The following TRPM2 variants were observed in gnomAD, a reference collection of about 807,000 sequenced individuals.
TRPM2 encodes the protein estrogen-responsive element-associated gene 1 protein.
In TRPM2, 161 loss-of-function variants were observed where a neutral mutation model predicts 174.0. That is an observed-to-expected ratio of 0.93 (90% CI 0.81 to 1.05). TRPM2 has a LOEUF of 1.05. Among genes scored for constraint, TRPM2 ranks in the 50% least tolerant of loss-of-function variants. The pLI, the probability that TRPM2 is intolerant of heterozygous loss-of-function variation, is 0.00. For synonymous variants in TRPM2, 954 were observed against 861.3 expected, an observed-to-expected ratio of 1.11 and a Z score of -1.88; for missense variants, 2,057 against 2,038.0, an observed-to-expected ratio of 1.01 and a Z score of -0.18.
At chr21:44,407,047 CT>C (rs2049915925) in intron 19 of TRPM2, among the ~76,000 whole-genome samples, 1 of 149,374 alleles carries the variant, frequency 6.7e-6, no homozygotes, top group Admixed American at 6.7e-5. Flanking sequence ...TGACAGCCCC[CT>C]GAAATGGAAT....
In TRPM2 at chr21:44,400,334, G is replaced by A; in HGVS notation, c.2284G>A (p.Ala762Thr). Residue 762 changes from alanine to threonine, a missense_variant, in exon 15 of 32, where the codon GCC becomes ACC. Transcript: ENST00000397928. ...GTGGCGTGTGACCCTGTGCATGCTG[G>A]CCTTCCCGCTGCTCCTCACCGGCCT... ...GLWRVTLCMLAFPLLLTGLIS... is the reference protein window; with the variant it reads ...GLWRVTLCMLTFPLLLTGLIS... 6.2e-7 allele frequency: 1 copy of A among 1,612,624 alleles called. No homozygotes were observed. The highest frequency in any genetic ancestry group is 1.3e-5 in the African/African-American group (1 of 75,054).
In TRPM2 at chr21:44,354,665, G is replaced by A. The variant is rs769258683; in HGVS notation, c.183G>A (p.Ser61=). The A allele has an allele frequency of 1.1e-5, 17 of 1,614,040 alleles. No homozygotes were observed. The highest frequency in any genetic ancestry group is 5.5e-5 in the South Asian group (5 of 91,096). ...ACCTTCAGCAAGAAAGCCTCAGTTC[G>A]TGGATTCCTGAAAACATCAAGAAGA... ...GNNDKQESLS[S]WIPENIKKKE... The change falls in exon 2 of 32, where the codon TCG becomes TCA. Residue 61 remains serine, a synonymous_variant. Transcript: ENST00000397928. This position sits in a 1 kb window ranked among gnomAD's most constrained non-coding sequence, Gnocchi z 4.3.
intron 8 of TRPM2, among the ~76,000 whole-genome samples, chr21:44,381,837 G>A (rs532546015): frequency 1.1e-3 from 160 of 152,030 alleles, no homozygotes; most frequent in Non-Finnish European, 1.6e-3. Flanking sequence ...AAGCCAGGAG[G>A]TGGAGGTTGC....
rs886638581 is a variant in TRPM2, at chr21:44,432,931, C to T, written c.3975-2200C>T. Among the ~76,000 whole-genome samples the T allele has an allele frequency of 5.3e-5, 8 of 152,182 alleles. No homozygotes were observed. Among genetic ancestry groups the T allele is most frequent in the African/African-American group, 7.2e-5 (3 of 41,512 alleles). ...TGCCTTGATGTCGTGATGGAACTAC[C>T]GGGCACGTGGCAGGGAGATGAGGGG... On this transcript the variant is annotated intron_variant, in intron 27 of 31. Transcript: ENST00000397928. This position sits in a 1 kb window ranked among gnomAD's most constrained non-coding sequence, Gnocchi z 4.9.
At chr21:44,403,650 CAT>C (rs376835449) in intron 16 of TRPM2, among the ~76,000 whole-genome samples, 225 of 151,148 alleles carry the variant, frequency 1.5e-3, no homozygotes, top group African/African-American at 5.4e-3. Flanking sequence ...CACATGCACA[CAT>C]GCACACACAT....
In TRPM2 at chr21:44,366,725, T is replaced by G; in HGVS notation, c.424-29T>G. On this transcript the variant is annotated intron_variant, in intron 3 of 31. Coordinates refer to ENST00000397928, the MANE Select transcript of TRPM2 (RefSeq NM_003307.4). The surrounding 1 kb of genome is among the most constrained non-coding windows in gnomAD (Gnocchi z 6.0). Reference sequence around the variant, plus strand: ...CTGTCCCTGACCACTGACACACAGGTTCCCTCCGCCGTTTTCCCTTTCCCG... The same window carrying G: ...CTGTCCCTGACCACTGACACACAGGGTCCCTCCGCCGTTTTCCCTTTCCCG... The G allele has an allele frequency of 6.2e-7, 1 of 1,613,096 alleles. No homozygotes were observed. Among genetic ancestry groups the G allele is most frequent in the Non-Finnish European group, 8.5e-7 (1 of 1,179,836 alleles).
chr21:44,425,149 C>T (rs1366852553), intron 24 of TRPM2: 10 of 560,444 alleles, frequency 1.8e-5, no homozygotes, highest in Non-Finnish European at 2.9e-5. Context: ...CCTGACCTGA[C>T]CTGGTTCCTG....
rs546426436 is a variant in TRPM2, at chr21:44,438,609, C to G, written c.4168-458C>G. Among the ~76,000 whole-genome samples, 1 of 151,872 alleles carries G rather than the reference C, an allele frequency of 6.6e-6. No homozygotes were observed. Among genetic ancestry groups the G allele is most frequent in the East Asian group, 1.9e-4 (1 of 5,176 alleles). On this transcript the variant is annotated intron_variant, in intron 29 of 31. Transcript: ENST00000397928. The surrounding 1 kb of genome is among the most constrained non-coding windows in gnomAD (Gnocchi z 5.9). The stretch of plus-strand genomic sequence containing the variant: ...CTGGGTCCCTGAGTCAGGTGGCGCT[C>G]GGGAGCGTCTGGGAGCCCAGCCAGC...
chr21:44,427,834 G>A (rs576983796), intron 27 of TRPM2, among the ~76,000 whole-genome samples: 38 of 152,212 alleles, frequency 2.5e-4, no homozygotes, highest in Non-Finnish European at 4.9e-4. Context: ...GGTAGGAGGC[G>A]ATGGGGCCTG....
Position 44,405,980 on chromosome 21 carries a change from G to A in TRPM2, c.2733G>A (p.Met911Ile). ...TCATCCTGTTCTGCCTCCGGCTCAT[G>A]CACATTTTTACCATCAGTAAGACGC... is the stretch of plus-strand genomic sequence containing the variant. Reference protein sequence around the residue: ...LDFILFCLRLMHIFTISKTLG... With the variant: ...LDFILFCLRLIHIFTISKTLG... The change falls in exon 18 of 32, where the codon ATG becomes ATA. Residue 911 changes from methionine (M) to isoleucine (I), a missense_variant. Transcript: ENST00000397928. 1.2e-6 allele frequency: 2 copies of A among 1,608,896 alleles called. No homozygotes were observed. The highest frequency in any genetic ancestry group is 1.7e-6 in the Non-Finnish European group (2 of 1,179,752).
chr21:44,426,174 TGGCTCTGGCCCCTTTCCAGGTGCCA>T (rs1367693472), intron 25 of TRPM2, among the ~76,000 whole-genome samples: 2 of 126,594 alleles, frequency 1.6e-5, no homozygotes, highest in African/African-American at 6.0e-5. Context: ...CCCCGGTGAA[TGGCTCTGGCCCCTTTCCAGGTGCCA>T]GGCATGGAAG....
chr21:44,367,726 G>GGGTCTGT lies in TRPM2; in HGVS notation c.604+792_604+793insGGTCTGT, dbSNP rs2048401539. On this transcript the variant is annotated intron_variant, in intron 4 of 31. Coordinates refer to ENST00000397928, the MANE Select transcript of TRPM2 (RefSeq NM_003307.4). The surrounding 1 kb of genome is among the most constrained non-coding windows in gnomAD (Gnocchi z 4.6). ...TGCTCTTCCTGGGGTCTGGGGTCTG[G>GGGTCTGT]TCTTTGCCTCGCAGTGGAGTCGTAA... Among the ~76,000 whole-genome samples the GGGTCTGT allele has an allele frequency of 6.6e-6, 1 of 152,260 alleles. No homozygotes were observed. Among genetic ancestry groups the GGGTCTGT allele is most frequent in the Non-Finnish European group, 1.5e-5 (1 of 68,048 alleles).
chr21:44,404,241 A>G (rs1029202548), intron 16 of TRPM2, among the ~76,000 whole-genome samples: 3 of 152,100 alleles, frequency 2.0e-5, no homozygotes, highest in Non-Finnish European at 2.9e-5. Flanking sequence ...ACATGCACAC[A>G]CACAAACATG....
At chr21:44,428,495 C>CCCCTGAGGTGTGGCTCCT (rs1348549402) in intron 27 of TRPM2, among the ~76,000 whole-genome samples, 2 of 147,558 alleles carry the variant, frequency 1.4e-5, no homozygotes, top group African/African-American at 2.5e-5. Flanking sequence ...TGTGGCTCCT[C>CCCCTGAGGTGTGGCTCCT]CCCTGAGGTG....
At chr21:44,433,660 G>C (rs2051115094) in intron 27 of TRPM2, among the ~76,000 whole-genome samples, 1 of 152,240 alleles carries the variant, frequency 6.6e-6, no homozygotes, top group Admixed American at 6.5e-5. Context: ...CTGTAGCTGG[G>C]TGGGGCCGGG....
intron 5 of TRPM2, among the ~76,000 whole-genome samples, chr21:44,371,996 T>G (rs536531891): frequency 6.6e-6 from 1 of 152,182 alleles, no homozygotes; most frequent in South Asian, 2.1e-4. Context: ...TAACTGGGCA[T>G]AGTGGCAGGC....
In TRPM2 at chr21:44,391,707, T is replaced by C; in HGVS notation, c.1794+82T>C. The C allele has an allele frequency of 1.6e-6, 2 of 1,278,394 alleles. No homozygotes were observed. Among genetic ancestry groups the C allele is most frequent in the Non-Finnish European group, 2.1e-6 (2 of 952,474 alleles). 79.2% of individuals were successfully genotyped at this position (1,278,394 alleles called of 1,614,324 possible). A position where few individuals can be genotyped will look rare whatever the true frequency, so the allele number is the denominator to read the frequency against. Reference sequence around the variant, plus strand: ...TCTTAGAGCTCTCTGTTTTTAAAATTAGCTTTTATTTTTATTAGAAAAGAC... The same window carrying C: ...TCTTAGAGCTCTCTGTTTTTAAAATCAGCTTTTATTTTTATTAGAAAAGAC... On this transcript the variant is annotated intron_variant, in intron 11 of 31. Transcript: ENST00000397928. This position sits in a 1 kb window ranked among gnomAD's most constrained non-coding sequence, Gnocchi z 5.0.
intron 28 of TRPM2, among the ~76,000 whole-genome samples, chr21:44,436,504 CGTCACCCCCGG>C (rs2051272453): frequency 7.0e-6 from 1 of 142,968 alleles, no homozygotes; most frequent in Admixed American, 6.9e-5. Flanking sequence ...GTCACCCCCA[CGTCACCCCCGG>C]GCTGCACTCT....
intron 17 of TRPM2, 52 bp downstream of exon 17, chr21:44,405,312 G>T: frequency 6.2e-7 from 1 of 1,605,458 alleles, no homozygotes; most frequent in South Asian, 1.1e-5. Context: ...CAGCCCTGCA[G>T]GGGATGAGCA....
Sources: allele counts gnomAD v4.1 joint callset (sites outside exome capture counted in the v4.1 genomes callset), GRCh38; gene constraint gnomAD v4.1.1; non-coding constraint Gnocchi (gnomAD v3.1); transcripts MANE v1.5; gene names NCBI Gene and HGNC (gene_info 2026-07-23, HGNC 2026-07-21).